Variants in ADAMTS20 observed in about 807,000 individuals in gnomAD.
The protein encoded by ADAMTS20 is ADAM metallopeptidase with thrombospondin type 1 motif 20, also known as A disintegrin and metalloproteinase with thrombospondin motifs 20.
A neutral mutation model predicts 260.1 loss-of-function variants in ADAMTS20; 225 were observed. The observed-to-expected ratio is 0.87, with a 90% CI of 0.78 to 0.97. ADAMTS20 has a LOEUF of 0.97. ADAMTS20 is among the 50% of genes least tolerant of loss of function. The pLI is 0.00. For missense variants in ADAMTS20, 2,400 were observed against 2,337.7 expected (o/e 1.03, Z -0.55); for synonymous variants, 802 against 769.5 (o/e 1.04, Z -0.70).
chr12:43,514,560 CAAAAAAAAAAAAAAAAAAA>C (rs58435633), intron 3 of ADAMTS20, among the ~76,000 whole-genome samples: 5 of 63,696 alleles, frequency 7.8e-5, no homozygotes, highest in East Asian at 1.2e-3. Context: ...GACTCTATCT[CAAAAAAAAAAAAAAAAAAA>C]AAAAAAAAAA....
Position 43,537,049 on chromosome 12 carries a change from ATATTT to A in ADAMTS20, c.454-4859_454-4855del, listed in dbSNP as rs566620767. On this transcript the variant is annotated intron_variant, in intron 2 of 38. Transcript: ENST00000389420. ...TTAAATTCCACTGCAAATAAAAAGCATATTTTATTTTATTTTTCATTCATTTATTT... is the reference window on the plus strand; with the variant it reads ...TTAAATTCCACTGCAAATAAAAAGCATATTTTATTTTTCATTCATTTATTT... 7.4e-3 allele frequency among the ~76,000 whole-genome samples: 1,119 copies of A among 152,182 alleles called. 16 individuals are homozygous for A. The highest frequency in any genetic ancestry group is 0.026 in the African/African-American group (1,095 of 41,540).
chr12:43,376,052 C>T lies in ADAMTS20; in HGVS notation c.5312+5G>A, dbSNP rs190574883. The T allele has an allele frequency of 3.1e-6, 5 of 1,593,292 alleles. No homozygotes were observed. Among genetic ancestry groups the T allele is most frequent in the Admixed American group, 1.8e-5 (1 of 55,830 alleles). On this transcript the variant is annotated splice_donor_5th_base_variant and intron_variant, in intron 35 of 38. Coordinates refer to ENST00000389420, the MANE Select transcript of ADAMTS20 (RefSeq NM_025003.5). ...TGCTCAGATAGACCAAAACACATCT[C>T]GTACCTAAAGCCATACACTTCAGAA...
intron 29 of ADAMTS20, among the ~76,000 whole-genome samples, chr12:43,387,013 CCA>C (rs1443904668): frequency 5.9e-5 from 9 of 152,162 alleles, no homozygotes; most frequent in East Asian, 3.9e-4. Context: ...CATTCTCTGT[CCA>C]GTTTTGTTCC....
intron 3 of ADAMTS20, among the ~76,000 whole-genome samples, chr12:43,516,055 CTTCAGTT>C (rs1175778533): frequency 6.6e-6 from 1 of 152,084 alleles, no homozygotes; most frequent in African/African-American, 2.4e-5. Context: ...GCCCCACCGC[CTTCAGTT>C]TTCTGGCTCT....
chr12:43,477,025 A>T (rs1259082037), intron 7 of ADAMTS20, among the ~76,000 whole-genome samples: 1 of 150,482 alleles, frequency 6.6e-6, no homozygotes, highest in East Asian at 1.9e-4. Context: ...GACATGATAC[A>T]AGATGATTTA....
At chr12:43,410,387 A>C (rs963836949) in intron 28 of ADAMTS20, among the ~76,000 whole-genome samples, 3 of 152,214 alleles carry the variant, frequency 2.0e-5, no homozygotes, top group Non-Finnish European at 4.4e-5. Context: ...TTAAGGAAAA[A>C]AACAGTGATT....
chr12:43,532,010 G>T, intron 3 of ADAMTS20, 26 bp downstream of exon 3: 1 of 1,432,354 alleles, frequency 7.0e-7, no homozygotes. Context: ...CTATTTAGCT[G>T]AAAAGAGTTC....
At chr12:43,477,621 A>G (rs1050166453) in intron 7 of ADAMTS20, among the ~76,000 whole-genome samples, 1 of 152,168 alleles carries the variant, frequency 6.6e-6, no homozygotes, top group African/African-American at 2.4e-5. Context: ...TTTAGCACAC[A>G]TATGCACTCT....
At chr12:43,510,740 A>T (rs1400711342) in intron 3 of ADAMTS20, among the ~76,000 whole-genome samples, 1 of 152,140 alleles carries the variant, frequency 6.6e-6, no homozygotes, top group African/African-American at 2.4e-5. Flanking sequence ...CTAGAGCATA[A>T]AACACTTGAA....
At chr12:43,379,486 G>C (rs987547305) in intron 31 of ADAMTS20, among the ~76,000 whole-genome samples, 2 of 152,024 alleles carry the variant, frequency 1.3e-5, no homozygotes, top group African/African-American at 4.8e-5. Flanking sequence ...TGACCTCAAG[G>C]CTCTACACAA....
intron 23 of ADAMTS20, 134 bp downstream of exon 23, chr12:43,430,218 C>G: frequency 4.0e-6 from 4 of 1,009,934 alleles, no homozygotes; most frequent in Non-Finnish European, 5.3e-6. Flanking sequence ...ATTTTTTTGC[C>G]TCTCTCTCAC....
intron 28 of ADAMTS20, among the ~76,000 whole-genome samples, chr12:43,421,311 T>C (rs1185752267): frequency 6.7e-6 from 1 of 150,248 alleles, no homozygotes; most frequent in Non-Finnish European, 1.5e-5. Context: ...TTCTCTTTTT[T>C]TGTGTGAGGA....
At chr12:43,378,184 T>C (rs771704946) in intron 31 of ADAMTS20, among the ~76,000 whole-genome samples, 3 of 152,206 alleles carry the variant, frequency 2.0e-5, no homozygotes, top group Admixed American at 6.5e-5. Flanking sequence ...CACTCAACAT[T>C]GGACAGTAAA....
At position 43,452,274 on chromosome 12, in the gene ADAMTS20, C is replaced by G. The variant is rs1166144089; in HGVS notation, c.2079G>C (p.Met693Ile). The G allele has an allele frequency of 6.2e-7, 1 of 1,602,980 alleles. No individual in the cohort carries two copies. The highest frequency in any genetic ancestry group is 8.5e-7 in the Non-Finnish European group (1 of 1,176,744). ...TAATAGAAACTTATAGTTTACTTAC[C>G]ATACACTGGCCTTGAACACAGATGT... is the stretch of plus-strand genomic sequence containing the variant. ...THDICVQGQC[M>I]AAGCDHVLNS... Residue 693 changes from methionine (M) to isoleucine (I), a missense_variant and splice_region_variant, in exon 14 of 39, where the codon ATG (methionine) becomes ATC (isoleucine). Transcript: ENST00000389420.
At chr12:43,363,314 A>G (rs1457376930) in intron 37 of ADAMTS20, among the ~76,000 whole-genome samples, 2 of 152,160 alleles carry the variant, frequency 1.3e-5, no homozygotes, top group Non-Finnish European at 2.9e-5. Context: ...TATTATAGGC[A>G]AGAGTAGCTG....
intron 7 of ADAMTS20, among the ~76,000 whole-genome samples, chr12:43,479,806 G>C (rs1431811979): frequency 6.6e-6 from 1 of 151,860 alleles, no homozygotes; most frequent in African/African-American, 2.4e-5. Context: ...GAAAAACAAA[G>C]CTACAAGAAA....
intron 31 of ADAMTS20, among the ~76,000 whole-genome samples, chr12:43,382,144 A>G (rs1407983227): frequency 6.6e-6 from 1 of 152,206 alleles, no homozygotes; most frequent in African/African-American, 2.4e-5. Flanking sequence ...TATATGCCCA[A>G]GAAAATTGAA....
intron 2 of ADAMTS20, among the ~76,000 whole-genome samples, chr12:43,532,556 T>G (rs954093579): frequency 2.8e-4 from 3 of 10,822 alleles, no homozygotes; most frequent in Non-Finnish European, 6.0e-4. Context: ...TTTTTTAATG[T>G]TTTTTTTTTT....
chr12:43,509,564 T>G (rs910136163), intron 3 of ADAMTS20, among the ~76,000 whole-genome samples: 1 of 152,128 alleles, frequency 6.6e-6, no homozygotes, highest in African/African-American at 2.4e-5. Flanking sequence ...TTTTAAAATA[T>G]AGTTAAAAAC....
Sources: allele counts gnomAD v4.1 joint callset (sites outside exome capture counted in the v4.1 genomes callset), GRCh38; gene constraint gnomAD v4.1.1; transcripts MANE v1.5; gene names NCBI Gene and HGNC (gene_info 2026-07-23, HGNC 2026-07-21).